DLGAP2: variants seen among roughly 807,000 people sequenced by gnomAD.
The protein encoded by DLGAP2 is disks large-associated protein 2.
In DLGAP2, 26 loss-of-function variants were observed where a neutral mutation model predicts 100.3. The ratio of observed to expected loss-of-function variants is 0.26; its 90% confidence interval spans 0.19 to 0.36. DLGAP2 has a LOEUF of 0.36. Among genes scored for constraint, DLGAP2 ranks in the 10% least tolerant of loss-of-function variants. The pLI is 1.00. For missense variants in DLGAP2, 1,858 were observed against 1,453.2 expected (o/e 1.28, Z -4.53); for synonymous variants, 886 against 630.1 (o/e 1.41, Z -6.08).
At chr8:1,699,472 G>A (rs1799507910) in intron 14 of DLGAP2, among the ~76,000 whole-genome samples, 1 of 151,778 alleles carries the variant, frequency 6.6e-6, no homozygotes, top group Non-Finnish European at 1.5e-5. Flanking sequence ...AAATTAGCCA[G>A]GCGTGGTGGT....
At chr8:782,227 TA>T (rs1193347399) in intron 1 of DLGAP2, among the ~76,000 whole-genome samples, 5 of 140,616 alleles carry the variant, frequency 3.6e-5, no homozygotes, top group Non-Finnish European at 6.5e-5. Flanking sequence ...GTTAGAGCTT[TA>T]AAAAAAATTA....
intron 3 of DLGAP2, among the ~76,000 whole-genome samples, chr8:1,305,856 G>C (rs1437806810): frequency 6.6e-6 from 1 of 152,144 alleles, no homozygotes; most frequent in Non-Finnish European, 1.5e-5. Context: ...TCAGGAACAA[G>C]GCAAGTGTGC....
At chr8:1,291,137 C>A (rs910691187) in intron 3 of DLGAP2, among the ~76,000 whole-genome samples, 1 of 152,166 alleles carries the variant, frequency 6.6e-6, no homozygotes, top group African/African-American at 2.4e-5. Flanking sequence ...AGGTAACAGT[C>A]ATCACGATGA....
At chr8:1,560,629 C>A (rs73671213) in intron 5 of DLGAP2, among the ~76,000 whole-genome samples, 13,224 of 152,224 alleles carry the variant, frequency 0.087, 752 homozygotes, top group African/African-American at 0.16. Context: ...AAAGACCGGG[C>A]GCTCCACTGC....
intron 3 of DLGAP2, among the ~76,000 whole-genome samples, chr8:1,428,736 T>C (rs1797311630): frequency 6.6e-6 from 1 of 152,218 alleles, no homozygotes; most frequent in Admixed American, 6.5e-5. Context: ...CCAGCAAATG[T>C]GTCAAGTGGA....
At chr8:886,967 G>A (rs1032431106) in intron 1 of DLGAP2, among the ~76,000 whole-genome samples, 4 of 152,180 alleles carry the variant, frequency 2.6e-5, no homozygotes, top group Non-Finnish European at 5.9e-5. Context: ...TGACAGTGGG[G>A]TGCTAAAGTT....
intron 5 of DLGAP2, among the ~76,000 whole-genome samples, chr8:1,555,136 C>T (rs527532823): frequency 2.0e-5 from 3 of 152,224 alleles, no homozygotes; most frequent in South Asian, 4.2e-4. Flanking sequence ...CTTCCAATCC[C>T]GTAGTGGAAT....
chr8:1,015,162 GACGCCTCCACT>G (rs1801421902), intron 2 of DLGAP2, among the ~76,000 whole-genome samples: 2 of 10,924 alleles, frequency 1.8e-4, no homozygotes, highest in African/African-American at 4.7e-4. Flanking sequence ...CAGGACAGAC[GACGCCTCCACT>G]GTGTGTGTGA....
At chr8:1,220,739 C>T (rs1798299764) in intron 2 of DLGAP2, among the ~76,000 whole-genome samples, 1 of 152,196 alleles carries the variant, frequency 6.6e-6, no homozygotes, top group South Asian at 2.1e-4. Flanking sequence ...TTATCAAAGT[C>T]TTTTCATAGG....
At chr8:1,498,103 C>G (rs548392375) in intron 3 of DLGAP2, among the ~76,000 whole-genome samples, 161 of 152,316 alleles carry the variant, frequency 1.1e-3, no homozygotes, top group African/African-American at 3.7e-3. Context: ...TGGAGTCAAA[C>G]ATTTTCCGAT....
chr8:1,586,206 C>T lies in DLGAP2; in HGVS notation c.1442+20312C>T, dbSNP rs901675868. ...TCTCTCTGGGCTAAGGCTGAGGTGT[C>T]GGCCGTTGGCCCTTCTTTCCGGGGA... On this transcript the variant is annotated intron_variant, in intron 6 of 14. Transcript: ENST00000637795. 3.9e-5 allele frequency among the ~76,000 whole-genome samples: 6 copies of T among 152,338 alleles called. No individual in the cohort carries two copies. In the East Asian group the frequency reaches 7.7e-4, roughly 20 times the overall value.
intron 6 of DLGAP2, among the ~76,000 whole-genome samples, chr8:1,583,846 G>A (rs994890969): frequency 6.6e-5 from 10 of 151,994 alleles, no homozygotes; most frequent in South Asian, 2.1e-4. Context: ...CAGATCCTTC[G>A]TGATCTGCCC....
At chr8:1,439,821 C>CAG (rs1797776513) in intron 3 of DLGAP2, among the ~76,000 whole-genome samples, 1 of 152,118 alleles carries the variant, frequency 6.6e-6, no homozygotes, top group African/African-American at 2.4e-5. Context: ...CATTTGAGGG[C>CAG]AGAGATGTTG....
chr8:1,155,565 G>A (rs1390114288), intron 2 of DLGAP2, among the ~76,000 whole-genome samples: 1 of 152,192 alleles, frequency 6.6e-6, no homozygotes, highest in Admixed American at 6.5e-5. Flanking sequence ...TGTGATGTGT[G>A]GTGCAGGCTC....
At chr8:773,818 G>T (rs1282095718) in intron 1 of DLGAP2, among the ~76,000 whole-genome samples, 2 of 152,166 alleles carry the variant, frequency 1.3e-5, no homozygotes, top group East Asian at 3.8e-4. Flanking sequence ...ACATGTGCAT[G>T]TGTCTTTATA....
intron 2 of DLGAP2, among the ~76,000 whole-genome samples, chr8:1,176,977 A>G (rs972297431): frequency 1.3e-5 from 2 of 152,196 alleles, no homozygotes; most frequent in Admixed American, 6.5e-5. Context: ...GGTTCACACA[A>G]GCGGTGGCCA....
At chr8:1,209,011 C>A (rs181678022) in intron 2 of DLGAP2, among the ~76,000 whole-genome samples, 272 of 152,124 alleles carry the variant, frequency 1.8e-3, no homozygotes, top group Non-Finnish European at 2.5e-3. Flanking sequence ...ATGACACAAA[C>A]AAATGGTAAC....
chr8:956,739 T>C (rs1584922709), intron 2 of DLGAP2, among the ~76,000 whole-genome samples: 1 of 152,356 alleles, frequency 6.6e-6, no homozygotes, highest in African/African-American at 2.4e-5. Flanking sequence ...GGAAGCCCTC[T>C]CCAATCTGTC....
At chr8:740,682 T>C (rs1304703883) in intron 1 of DLGAP2, among the ~76,000 whole-genome samples, 1 of 152,230 alleles carries the variant, frequency 6.6e-6, no homozygotes, top group Non-Finnish European at 1.5e-5. Context: ...GATTTTGTTT[T>C]GTTTTATTTT....
Sources: allele counts gnomAD v4.1 joint callset (sites outside exome capture counted in the v4.1 genomes callset), GRCh38; gene constraint gnomAD v4.1.1; transcripts MANE v1.5; gene names NCBI Gene and HGNC (gene_info 2026-07-23, HGNC 2026-07-21).